Variants in ACCSL observed in about 807,000 individuals in gnomAD.
ACCSL encodes the protein 1-aminocyclopropane-1-carboxylate synthase homolog (inactive) like.
Under a neutral mutation model 61.7 loss-of-function variants are expected in ACCSL, and 55 were observed. That is an observed-to-expected ratio of 0.89 (90% CI 0.72 to 1.12). The LOEUF is 1.12. Ranked by LOEUF, ACCSL falls within the 50% of genes most tolerant of loss-of-function variation. The pLI is 0.00. For synonymous variants in ACCSL, 258 were observed against 264.3 expected (o/e 0.98, Z 0.23); for missense variants, 632 against 698.0 (o/e 0.91, Z 1.07).
At chr11:44,010,697 A>G in the ACCSL span, among the ~76,000 whole-genome samples, 1 of 152,190 alleles carries the variant, frequency 6.6e-6, no homozygotes, top group African/African-American at 2.4e-5. Flanking sequence ...GCTGATAGCT[A>G]GAAGCAACTG....
chr11:43,932,905 C>G, the ACCSL span, among the ~76,000 whole-genome samples: 2 of 152,222 alleles, frequency 1.3e-5, no homozygotes, highest in Non-Finnish European at 2.9e-5. Context: ...CTCCTGATAG[C>G]TGCAGAGCCT....
the ACCSL span, among the ~76,000 whole-genome samples, chr11:43,957,839 C>G: frequency 6.6e-6 from 1 of 151,960 alleles, no homozygotes; most frequent in Non-Finnish European, 1.5e-5. Flanking sequence ...TGTGTGACCG[C>G]CCCCCCAACA....
chr11:43,934,689 A>G, the ACCSL span, among the ~76,000 whole-genome samples: 19 of 152,300 alleles, frequency 1.2e-4, no homozygotes, highest in African/African-American at 4.3e-4. Flanking sequence ...CTAGGGCAAC[A>G]GCAGCTGTGG....
In ACCSL at chr11:44,048,270, G is replaced by A; in HGVS notation, c.234G>A (p.Met78Ile). The change falls in exon 1 of 14, where the codon ATG (methionine) becomes ATA (isoleucine). Residue 78 changes from methionine (M) to isoleucine (I), a missense_variant. By Grantham distance (10) the Met-to-Ile change is conservative. Coordinates refer to ENST00000378832, the MANE Select transcript of ACCSL (RefSeq NM_001031854.2). ...TTCTGAGTCGCTTAATATGCCGGAT[G>A]ATCAACCTCCTACAGTCTGGGGCCG... ...EALLSRLICR[M>I]INLLQSGAAS... 1 of 1,614,118 alleles carries A rather than the reference G, an allele frequency of 6.2e-7. No homozygotes were observed. The highest frequency in any genetic ancestry group is 8.5e-7 in the Non-Finnish European group (1 of 1,180,010).
the ACCSL span, among the ~76,000 whole-genome samples, chr11:43,930,095 C>T: frequency 6.6e-6 from 1 of 152,152 alleles, no homozygotes; most frequent in African/African-American, 2.4e-5. Context: ...TCTGTCCCAG[C>T]AGTCAGAGGC....
At chr11:43,954,605 G>T in the ACCSL span, among the ~76,000 whole-genome samples, 3 of 149,870 alleles carry the variant, frequency 2.0e-5, no homozygotes, top group African/African-American at 2.5e-5. Flanking sequence ...TTTTTTTGAG[G>T]TGGAATTTTG....
chr11:43,934,773 G>T, the ACCSL span, among the ~76,000 whole-genome samples: 2 of 152,138 alleles, frequency 1.3e-5, no homozygotes, highest in African/African-American at 4.8e-5. Flanking sequence ...GCCCCAACCT[G>T]GTTCTTCCCA....
At chr11:43,956,830 C>T in the ACCSL span, among the ~76,000 whole-genome samples, 2 of 152,086 alleles carry the variant, frequency 1.3e-5, no homozygotes, top group Non-Finnish European at 2.9e-5. Context: ...GGGAAAAATG[C>T]GAGTCACAGA....
At chr11:44,032,910 G>A in the ACCSL span, among the ~76,000 whole-genome samples, 3 of 152,170 alleles carry the variant, frequency 2.0e-5, no homozygotes, top group Non-Finnish European at 4.4e-5. Context: ...AGGCTCCCCC[G>A]AGGGAGACGC....
the ACCSL span, among the ~76,000 whole-genome samples, chr11:44,019,906 C>G: frequency 6.6e-6 from 1 of 152,198 alleles, no homozygotes; most frequent in Non-Finnish European, 1.5e-5. Flanking sequence ...ACCTCTGATC[C>G]ATCTGGAGTT....
At chr11:44,042,210 C>A in the ACCSL span, among the ~76,000 whole-genome samples, 2 of 152,128 alleles carry the variant, frequency 1.3e-5, no homozygotes, top group Non-Finnish European at 2.9e-5. Context: ...TTCTCTAAAA[C>A]AATTTAAATA....
chr11:43,926,610 G>T, the ACCSL span: 1 of 319,478 alleles, frequency 3.1e-6, no homozygotes, highest in Admixed American at 4.3e-5. Flanking sequence ...AACCCATGTG[G>T]CTTCTATTTT....
chr11:43,953,004 G>A, the ACCSL span, among the ~76,000 whole-genome samples: 1 of 152,100 alleles, frequency 6.6e-6, no homozygotes, highest in African/African-American at 2.4e-5. Flanking sequence ...ACTGCTGAGT[G>A]TTTCCATTGT....
At chr11:44,040,302 G>C in the ACCSL span, among the ~76,000 whole-genome samples, 1 of 152,172 alleles carries the variant, frequency 6.6e-6, no homozygotes, top group Non-Finnish European at 1.5e-5. Flanking sequence ...CCCAGGCCTA[G>C]CCTACTTCAA....
chr11:43,995,526 C>T, the ACCSL span: 1 of 152,232 alleles, frequency 6.6e-6, no homozygotes, highest in South Asian at 2.1e-4. Context: ...TGTAGATATT[C>T]CACCAAGGGG....
chr11:44,034,743 T>C, the ACCSL span, among the ~76,000 whole-genome samples: 15 of 152,158 alleles, frequency 9.9e-5, no homozygotes, highest in Non-Finnish European at 1.6e-4. Context: ...AGATGAGATT[T>C]GGGTGGGGAC....
the ACCSL span, among the ~76,000 whole-genome samples, chr11:44,013,382 C>G: frequency 6.6e-6 from 1 of 152,068 alleles, no homozygotes. Flanking sequence ...TGGATTCAAG[C>G]GATTCTCCTG....
chr11:43,923,004 AC>A, the ACCSL span, among the ~76,000 whole-genome samples: 1 of 152,216 alleles, frequency 6.6e-6, no homozygotes, highest in Non-Finnish European at 1.5e-5. Flanking sequence ...GGTGGCATTG[AC>A]AATTCCTGAT....
the ACCSL span, among the ~76,000 whole-genome samples, chr11:44,040,844 G>A: frequency 3.0e-4 from 45 of 152,270 alleles, no homozygotes; most frequent in Admixed American, 6.5e-4. Context: ...AGCTTTGAGA[G>A]TATGTGCGCC....
Sources: gnomAD v4.1 joint callset for allele counts (sites outside exome capture counted in the v4.1 genomes callset) on GRCh38, gnomAD v4.1.1 for gene constraint, MANE v1.5 for transcripts, NCBI Gene and HGNC (gene_info 2026-07-23, HGNC 2026-07-21) for gene names.